SLC9A9: variants seen among roughly 807,000 people sequenced by gnomAD.
The protein encoded by SLC9A9 is solute carrier family 9 member A9.
SLC9A9 carries 62 observed loss-of-function variants against 77.8 expected under a neutral mutation model. The observed-to-expected ratio is 0.80, with a 90% CI of 0.65 to 0.98. The LOEUF is 0.98. SLC9A9 is among the 50% of genes least tolerant of loss of function. SLC9A9 has a pLI of 0.00. For missense variants in SLC9A9, 775 were observed against 774.9 expected (o/e 1.00, Z 0.00); for synonymous variants, 320 against 283.5 (o/e 1.13, Z -1.29).
intron 9 of SLC9A9, among the ~76,000 whole-genome samples, chr3:143,523,130 C>T (rs2036341178): frequency 6.6e-6 from 1 of 152,120 alleles, no homozygotes; most frequent in Admixed American, 6.6e-5. Flanking sequence ...AGAGCTTTAG[C>T]ACCTCCAGAA....
intron 2 of SLC9A9, among the ~76,000 whole-genome samples, chr3:143,817,386 G>T (rs371244330): frequency 1.5e-4 from 22 of 150,934 alleles, no homozygotes; most frequent in East Asian, 7.8e-4. Flanking sequence ...CTGACCTCAT[G>T]ATCCACCCGC....
intron 6 of SLC9A9, among the ~76,000 whole-genome samples, chr3:143,582,960 C>A (rs2108668505): frequency 6.6e-6 from 1 of 151,960 alleles, no homozygotes; most frequent in South Asian, 2.1e-4. Flanking sequence ...TGAGACCAGC[C>A]CAGGCAACAT....
chr3:143,573,209 C>T (rs1045288040), intron 8 of SLC9A9, among the ~76,000 whole-genome samples: 2 of 152,090 alleles, frequency 1.3e-5, no homozygotes, highest in South Asian at 2.1e-4. Flanking sequence ...TAAAGTATCA[C>T]CTATTAAAAT....
intron 12 of SLC9A9, among the ~76,000 whole-genome samples, chr3:143,460,462 C>T (rs2035171666): frequency 6.6e-6 from 1 of 151,684 alleles, no homozygotes; most frequent in Admixed American, 6.6e-5. Flanking sequence ...ACCTAAAGTA[C>T]AAATACATCT....
chr3:143,309,479 A>G lies in SLC9A9; in HGVS notation c.1605-40499T>C, dbSNP rs551703389. 2.2e-4 allele frequency among the ~76,000 whole-genome samples: 33 copies of G among 149,186 alleles called. 1 individual carries two copies. Among genetic ancestry groups the G allele is most frequent in the African/African-American group, 7.4e-4 (30 of 40,634 alleles). On this transcript the variant is annotated intron_variant, in intron 14 of 15. Coordinates refer to ENST00000316549, the MANE Select transcript of SLC9A9 (RefSeq NM_173653.4). ...ATGATTTTTTTCCAAGTATGTCTCC[A>G]TTTTTCTCAAACCCTGGACACCTGA...
In SLC9A9 at chr3:143,297,578, G is replaced by T. The variant is rs551414236; in HGVS notation, c.1605-28598C>A. Among the ~76,000 whole-genome samples, 4 of 152,174 alleles carry T rather than the reference G, an allele frequency of 2.6e-5. No individual in the cohort carries two copies. The South Asian group carries it at 6.2e-4, about 24-fold the overall frequency. ...CTTTTCTATTTTTGTAAAAAATGCC[G>T]TTGGAATTTTACTTTGCTAGTATGG... On this transcript the variant is annotated intron_variant, in intron 14 of 15. Coordinates refer to ENST00000316549, the MANE Select transcript of SLC9A9 (RefSeq NM_173653.4).
intron 14 of SLC9A9, among the ~76,000 whole-genome samples, chr3:143,272,786 C>G (rs1265966179): frequency 6.6e-6 from 1 of 152,070 alleles, no homozygotes; most frequent in African/African-American, 2.4e-5. Context: ...ACTAGTTTTG[C>G]TTCTCTAATA....
rs75905863 is a variant in SLC9A9, at chr3:143,647,237, A to G, written c.755+5018T>C. Among the ~76,000 whole-genome samples the G allele has an allele frequency of 7.5e-3, 1,138 of 152,340 alleles. 16 individuals carry two copies. Among genetic ancestry groups the G allele is most frequent in the African/African-American group, 0.026 (1,077 of 41,586 alleles). On this transcript the variant is annotated intron_variant, in intron 6 of 15. Coordinates refer to ENST00000316549, the MANE Select transcript of SLC9A9 (RefSeq NM_173653.4). ...GTAACTTGCCCAAGGTAACGTAAAT[A>G]ATGAATTAGGTATAGTGATGAGATT...
intron 14 of SLC9A9, among the ~76,000 whole-genome samples, chr3:143,320,412 C>T (rs2031376738): frequency 6.6e-6 from 1 of 152,162 alleles, no homozygotes; most frequent in African/African-American, 2.4e-5. Flanking sequence ...ATACCTGAGG[C>T]TGGGTGACTT....
chr3:143,330,683 T>A (rs1173537550), intron 14 of SLC9A9, among the ~76,000 whole-genome samples: 1 of 152,228 alleles, frequency 6.6e-6, no homozygotes, highest in East Asian at 1.9e-4. Context: ...AATGCTTAAC[T>A]GTGTTATAAC....
At chr3:143,824,613 C>T (rs2009252643) in intron 2 of SLC9A9, among the ~76,000 whole-genome samples, 1 of 152,184 alleles carries the variant, frequency 6.6e-6, no homozygotes. Context: ...ACCCCATGAG[C>T]ACAAGGACTT....
chr3:143,673,446 A>C (rs1423340243), intron 5 of SLC9A9, among the ~76,000 whole-genome samples: 1 of 152,090 alleles, frequency 6.6e-6, no homozygotes, highest in East Asian at 1.9e-4. Flanking sequence ...CAGTCAAATC[A>C]CAAAGAAAAT....
chr3:143,332,209 C>G (rs1022292124), intron 14 of SLC9A9, among the ~76,000 whole-genome samples: 1 of 152,154 alleles, frequency 6.6e-6, no homozygotes, highest in African/African-American at 2.4e-5. Context: ...TCTGTCTATC[C>G]TCATGGCAGA....
intron 14 of SLC9A9, among the ~76,000 whole-genome samples, chr3:143,296,778 T>G (rs2030288363): frequency 6.6e-6 from 1 of 152,198 alleles, no homozygotes; most frequent in Non-Finnish European, 1.5e-5. Flanking sequence ...CTTTCCCTGA[T>G]TATTAGTGAT....
intron 2 of SLC9A9, among the ~76,000 whole-genome samples, chr3:143,814,534 A>G (rs1305813942): frequency 6.6e-6 from 1 of 152,206 alleles, no homozygotes; most frequent in Non-Finnish European, 1.5e-5. Flanking sequence ...CCACTCCTTC[A>G]TGCAGGGCTG....
chr3:143,699,467 C>T (rs903859341), intron 4 of SLC9A9, among the ~76,000 whole-genome samples: 7 of 152,310 alleles, frequency 4.6e-5, no homozygotes, highest in Admixed American at 2.0e-4. Context: ...CCTCCTCCAT[C>T]TCCTGGCAGC....
intron 1 of SLC9A9, among the ~76,000 whole-genome samples, chr3:143,838,608 A>G (rs913093864): frequency 6.6e-6 from 1 of 152,220 alleles, no homozygotes; most frequent in Non-Finnish European, 1.5e-5. Flanking sequence ...CTATATTTAC[A>G]TAAGGGACAA....
chr3:143,835,584 T>C (rs2009547598), intron 1 of SLC9A9, among the ~76,000 whole-genome samples: 1 of 152,210 alleles, frequency 6.6e-6, no homozygotes, highest in South Asian at 2.1e-4. Context: ...CACAATATCA[T>C]ATATGAGTAG....
At chr3:143,738,423 A>T (rs1406403101) in intron 4 of SLC9A9, among the ~76,000 whole-genome samples, 1 of 152,112 alleles carries the variant, frequency 6.6e-6, no homozygotes, top group Non-Finnish European at 1.5e-5. Flanking sequence ...TAACCTCCTA[A>T]ATATTATTAC....
Sources: allele counts gnomAD v4.1 joint callset (sites outside exome capture counted in the v4.1 genomes callset), GRCh38; gene constraint gnomAD v4.1.1; transcripts MANE v1.5; gene names NCBI Gene and HGNC (gene_info 2026-07-23, HGNC 2026-07-21).